VPS13D: variants seen among roughly 807,000 people sequenced by gnomAD.
VPS13D encodes vacuolar protein sorting 13 homolog D, also known as intermembrane lipid transfer protein VPS13D.
Under a neutral mutation model 461.9 loss-of-function variants are expected in VPS13D, and 187 were observed. The observed-to-expected ratio is 0.40, with a 90% CI of 0.36 to 0.46. The LOEUF is 0.46. Among genes scored for constraint, VPS13D ranks in the 20% least tolerant of loss-of-function variants. VPS13D has a pLI of 0.60. For missense variants in VPS13D, 4,711 were observed against 5,364.9 expected, an observed-to-expected ratio of 0.88 and a Z score of 3.81; for synonymous variants, 1,951 against 1,986.3, an observed-to-expected ratio of 0.98 and a Z score of 0.47.
chr1:12,361,295 G>A (rs879576500), intron 50 of VPS13D, among the ~76,000 whole-genome samples: 11 of 151,786 alleles, frequency 7.2e-5, no homozygotes, highest in Non-Finnish European at 1.6e-4. Flanking sequence ...AGCCCAGTAC[G>A]TTGAATGTCA....
intron 65 of VPS13D, 55 bp from the exon 66 acceptor site, chr1:12,455,943 A>G: frequency 6.5e-7 from 1 of 1,538,634 alleles, no homozygotes; most frequent in Admixed American, 2.1e-5. Context: ...TAATTCAAAT[A>G]GTAAAAATAG....
intron 67 of VPS13D, among the ~76,000 whole-genome samples, chr1:12,493,589 T>C (rs1219973671): frequency 6.6e-6 from 1 of 152,024 alleles, no homozygotes; most frequent in Non-Finnish European, 1.5e-5. Flanking sequence ...TCACTGAGCA[T>C]GAACAAATGT....
intron 1 of VPS13D, among the ~76,000 whole-genome samples, chr1:12,231,721 G>A (rs1329159057): frequency 6.6e-6 from 1 of 152,228 alleles, no homozygotes; most frequent in African/African-American, 2.4e-5. Context: ...GGGCACGGTG[G>A]CTCACGCCTG....
rs751641508 is a variant in VPS13D at position 12,275,985 on chromosome 1, C to T, written c.2397C>T (p.Phe799=). The change falls in exon 19 of 70, where the codon TTC becomes TTT. Residue 799 remains phenylalanine, a synonymous_variant. Coordinates refer to ENST00000620676, the MANE Select transcript of VPS13D (RefSeq NM_015378.4). ...CACCTCCCTTTTCTGGAGTTGAGTTCAGTGAAGAACAGCTTCAAGCACATT... is the reference window on the plus strand; with the variant it reads ...CACCTCCCTTTTCTGGAGTTGAGTTTAGTGAAGAACAGCTTCAAGCACATT... ...EKTPPFSGVE[F]SEEQLQAHLM... 1.2e-6 allele frequency: 2 copies of T among 1,613,864 alleles called. No individual in the cohort carries two copies. The highest frequency in any genetic ancestry group is 1.7e-6 in the Non-Finnish European group (2 of 1,180,000).
intron 66 of VPS13D, 54 bp from the exon 67 acceptor site, chr1:12,460,147 A>ATGCTTT (rs1200272857): frequency 6.8e-7 from 1 of 1,466,434 alleles, no homozygotes; most frequent in East Asian, 2.5e-5. Flanking sequence ...TTGGCTTTAA[A>ATGCTTT]TGCTTTTGCT....
At chr1:12,434,316 C>T (rs953231292) in intron 65 of VPS13D, among the ~76,000 whole-genome samples, 5 of 151,990 alleles carry the variant, frequency 3.3e-5, no homozygotes, top group African/African-American at 1.2e-4. Flanking sequence ...CTAGGTTTCT[C>T]CCTTTTGCTT....
In VPS13D at chr1:12,299,130, G is replaced by C; in HGVS notation, c.6034-72G>C. 1 of 1,439,958 alleles carries C rather than the reference G, an allele frequency of 6.9e-7. No homozygotes were observed. The highest frequency in any genetic ancestry group is 1.5e-5 in the South Asian group (1 of 66,498). The allele number at this position is 1,439,958 out of a possible 1,614,324, so 89.2% of individuals were successfully genotyped here. ...TTTTATAAACTCACGAAACTTTTGG[G>C]AACCTGAGGTTATTTGGTGGTAAAA... is the stretch of plus-strand genomic sequence containing the variant. On this transcript the variant is annotated intron_variant, in intron 24 of 69. Transcript: ENST00000620676. The surrounding 1 kb of genome is among the most constrained non-coding windows in gnomAD (Gnocchi z 4.2).
At chr1:12,286,127 G>T (rs1422042788) in intron 21 of VPS13D, among the ~76,000 whole-genome samples, 2 of 151,450 alleles carry the variant, frequency 1.3e-5, no homozygotes, top group African/African-American at 4.9e-5. Context: ...GCCCAGGCTG[G>T]AGTGCAATGG....
At chr1:12,407,470 C>A (rs1296688730) in intron 63 of VPS13D, 1 of 152,166 alleles carries the variant, frequency 6.6e-6, no homozygotes, top group Admixed American at 6.6e-5. Context: ...CTCCAAAATC[C>A]ATTTTATAAC....
At chr1:12,313,542 A>G (rs1642813344) in intron 29 of VPS13D, among the ~76,000 whole-genome samples, 1 of 151,956 alleles carries the variant, frequency 6.6e-6, no homozygotes, top group African/African-American at 2.4e-5. Context: ...GTATTGTCAT[A>G]ATGGTACCGA....
chr1:12,352,965 CAAA>C (rs61588046), intron 46 of VPS13D, among the ~76,000 whole-genome samples: 11 of 17,582 alleles, frequency 6.3e-4, no homozygotes, highest in African/African-American at 2.2e-3. Context: ...AACTCAGTCT[CAAA>C]AAAAAAAAAA....
chr1:12,383,444 AATT>A (rs1423549656), intron 58 of VPS13D, among the ~76,000 whole-genome samples: 1 of 151,972 alleles, frequency 6.6e-6, no homozygotes, highest in Non-Finnish European at 1.5e-5. Flanking sequence ...TAGTGTTGTT[AATT>A]ATTATTAATA....
chr1:12,376,536 A>G (rs573295150), intron 55 of VPS13D, among the ~76,000 whole-genome samples: 97 of 152,284 alleles, frequency 6.4e-4, no homozygotes, highest in South Asian at 2.5e-3. Flanking sequence ...CCATGAGGCA[A>G]TTTTTCTCGT....
rs1646153192 is a variant in VPS13D at position 12,509,165 on chromosome 1, A to G, written c.*141A>G. The G allele has an allele frequency of 2.0e-6, 2 of 1,014,612 alleles. No homozygotes were observed. Among genetic ancestry groups the G allele is most frequent in the African/African-American group, 3.2e-5 (2 of 61,660 alleles). The allele number at this position is 1,014,612 out of a possible 1,614,324, so 62.9% of individuals were successfully genotyped here. A position where few individuals can be genotyped will look rare whatever the true frequency, so the allele number is the denominator to read the frequency against. ...AAGGAATGAGGGAAAGTAAATCCTC[A>G]TGAGGAAAAGTACAAATGGAAATCG... is the stretch of plus-strand genomic sequence containing the variant. On this transcript the variant is annotated 3_prime_UTR_variant, in exon 70 of 70. Transcript: ENST00000620676.
rs181162050 is a variant in VPS13D at position 12,280,769 on chromosome 1, G to A, written c.4602+1119G>A. On this transcript the variant is annotated intron_variant, in intron 20 of 69. Transcript: ENST00000620676. ...CCCCGAAAGTGCTGGGATTACAGGT[G>A]TGTGCCACCATGCCCGGCCTATGTT... Among the ~76,000 whole-genome samples, 24 of 152,206 alleles carry A rather than the reference G, an allele frequency of 1.6e-4. No homozygotes were observed. The East Asian group carries it at 4.4e-3, about 28-fold the overall frequency.
chr1:12,364,879 C>T (rs773238676), intron 52 of VPS13D, among the ~76,000 whole-genome samples: 2 of 152,038 alleles, frequency 1.3e-5, no homozygotes, highest in South Asian at 2.1e-4. Flanking sequence ...CTATTCTAAG[C>T]GTTTTATAGT....
rs1330186675 is a variant in VPS13D, at chr1:12,312,624, GTGGTGCATGCC to G, written c.6935+702_6935+712del. Among the ~76,000 whole-genome samples the G allele has an allele frequency of 5.3e-5, 8 of 152,280 alleles. No homozygotes were observed. In the East Asian group the frequency reaches 1.5e-3, roughly 29 times the overall value. ...AAAATTAAAAAACTAGCTGCGCATG[GTGGTGCATGCC>G]TGTAGTCCCAGCTACTCAAGGCGTT... is the stretch of plus-strand genomic sequence containing the variant. On this transcript the variant is annotated intron_variant, in intron 29 of 69. Transcript: ENST00000620676.
chr1:12,275,437 G>A (rs972354849), intron 18 of VPS13D, among the ~76,000 whole-genome samples: 1 of 151,904 alleles, frequency 6.6e-6, no homozygotes, highest in Non-Finnish European at 1.5e-5. Context: ...ATTCCAGTGG[G>A]GGAAACAAAT....
intron 60 of VPS13D, among the ~76,000 whole-genome samples, chr1:12,397,271 T>C (rs1263300653): frequency 6.6e-6 from 1 of 152,240 alleles, no homozygotes; most frequent in Non-Finnish European, 1.5e-5. Context: ...CTTTATGTGA[T>C]GTATGCTGCA....
Sources: allele counts gnomAD v4.1 joint callset (sites outside exome capture counted in the v4.1 genomes callset), GRCh38; gene constraint gnomAD v4.1.1; non-coding constraint Gnocchi (gnomAD v3.1); transcripts MANE v1.5; gene names NCBI Gene and HGNC (gene_info 2026-07-23, HGNC 2026-07-21).